The following B3GALT1 variants were observed in gnomAD, a reference collection of about 807,000 sequenced individuals.
B3GALT1 encodes the protein UDP-Gal:betaGlcNAc beta 1,3-galactosyltransferase, polypeptide 1.
B3GALT1 carries 10 observed loss-of-function variants against 23.2 expected under a neutral mutation model. That is an observed-to-expected ratio of 0.43 (90% CI 0.27 to 0.73). B3GALT1 has a LOEUF of 0.73. Among genes scored for constraint, B3GALT1 ranks in the 30% least tolerant of loss-of-function variants. The pLI, the probability that B3GALT1 is intolerant of heterozygous loss-of-function variation, is 0.21. For missense variants in B3GALT1, 299 were observed against 405.4 expected (o/e 0.74, Z 2.25); for synonymous variants, 156 against 141.5 (o/e 1.10, Z -0.73).
intron 1 of B3GALT1, among the ~76,000 whole-genome samples, chr2:167,426,512 G>C (rs1698626328): frequency 6.6e-6 from 1 of 152,012 alleles, no homozygotes; most frequent in Non-Finnish European, 1.5e-5. Flanking sequence ...CTTGACCTCA[G>C]GTGATCCACC....
At chr2:167,442,838 T>C (rs867907885) in intron 1 of B3GALT1, among the ~76,000 whole-genome samples, 4 of 142,572 alleles carry the variant, frequency 2.8e-5, no homozygotes, top group Non-Finnish European at 4.5e-5. Flanking sequence ...CTGTTCACTC[T>C]GATGGTAGTT....
chr2:167,855,281 A>T (rs904314881), intron 4 of B3GALT1, among the ~76,000 whole-genome samples: 1 of 152,174 alleles, frequency 6.6e-6, no homozygotes, highest in African/African-American at 2.4e-5. Context: ...AGTGAGATGC[A>T]GAATATGGTG....
chr2:167,382,326 A>AT (rs1166934352), intron 1 of B3GALT1, among the ~76,000 whole-genome samples: 2 of 150,878 alleles, frequency 1.3e-5, no homozygotes, highest in Non-Finnish European at 3.0e-5. Flanking sequence ...TTTTTTCCTG[A>AT]TTTTTTAAAA....
At chr2:167,438,999 A>G (rs1313193907) in intron 1 of B3GALT1, among the ~76,000 whole-genome samples, 1 of 152,244 alleles carries the variant, frequency 6.6e-6, no homozygotes, top group South Asian at 2.1e-4. Flanking sequence ...TCTGCCTGAC[A>G]CTTTATCCAA....
intron 2 of B3GALT1, among the ~76,000 whole-genome samples, chr2:167,510,540 T>A (rs1056305520): frequency 4.6e-5 from 7 of 152,036 alleles, no homozygotes; most frequent in African/African-American, 1.7e-4. Flanking sequence ...GTGATTGGCA[T>A]GTTTACAGAG....
At chr2:167,704,494 GCA>G (rs887385609) in intron 3 of B3GALT1, among the ~76,000 whole-genome samples, 2 of 151,260 alleles carry the variant, frequency 1.3e-5, no homozygotes, top group South Asian at 2.1e-4. Flanking sequence ...ATCATACCAT[GCA>G]CACACACACA....
At chr2:167,822,439 C>A (rs987482968) in intron 4 of B3GALT1, among the ~76,000 whole-genome samples, 1 of 152,090 alleles carries the variant, frequency 6.6e-6, no homozygotes. Context: ...TCTTACACAG[C>A]GCACCCTCTA....
chr2:167,512,597 T>TATATATATACAC (rs1700034304), intron 2 of B3GALT1, among the ~76,000 whole-genome samples: 1 of 60,316 alleles, frequency 1.7e-5, no homozygotes. Context: ...TATATGTGTA[T>TATATATATACAC]ATATATATAT....
rs1223530624 is a variant in B3GALT1 at position 167,720,633 on chromosome 2, C to G, written c.-352+73667C>G. Among the ~76,000 whole-genome samples the G allele has an allele frequency of 3.9e-5, 6 of 152,298 alleles. No individual in the cohort carries two copies. In the South Asian group the frequency reaches 1.2e-3, roughly 32 times the overall value. On this transcript the variant is annotated intron_variant, in intron 3 of 4. Coordinates refer to ENST00000392690, the MANE Select transcript of B3GALT1 (RefSeq NM_020981.4). The stretch of plus-strand genomic sequence containing the variant: ...CATGTGACAACCTCATTTATTCATT[C>G]GTTCATCTACTCAGTGTCATTCAAT...
chr2:167,766,853 A>G (rs1687985296), intron 3 of B3GALT1, among the ~76,000 whole-genome samples: 1 of 152,196 alleles, frequency 6.6e-6, no homozygotes, highest in Non-Finnish European at 1.5e-5. Flanking sequence ...CCCTCCAGAA[A>G]GTCAACAAAA....
intron 3 of B3GALT1, among the ~76,000 whole-genome samples, chr2:167,674,630 C>T (rs947105453): frequency 1.3e-5 from 2 of 152,114 alleles, no homozygotes. Context: ...CCTATTACAT[C>T]CTGTTTTGGA....
chr2:167,713,480 ATTTTGT>A (rs1687093913), intron 3 of B3GALT1, among the ~76,000 whole-genome samples: 1 of 152,150 alleles, frequency 6.6e-6, no homozygotes, highest in Non-Finnish European at 1.5e-5. Flanking sequence ...ATCACTATAC[ATTTTGT>A]TTTTGTTTTT....
Position 167,869,379 on chromosome 2 carries a change from AC to A in B3GALT1, c.343del (p.Leu115CysfsTer43). 1 of 1,614,070 alleles carries A rather than the reference AC, an allele frequency of 6.2e-7. No individual in the cohort carries two copies. The highest frequency in any genetic ancestry group is 8.5e-7 in the Non-Finnish European group (1 of 1,180,016). ...ENNFKGIKIA[T>X]LFLLGKNADP... Reference sequence around the variant, plus strand: ...CAACTTTAAGGGGATCAAGATAGCCACCCTGTTCCTCCTGGGCAAGAATGCT... The same window carrying A: ...CAACTTTAAGGGGATCAAGATAGCCACCTGTTCCTCCTGGGCAAGAATGCT... On this transcript the variant is annotated frameshift_variant, in exon 5 of 5. Coordinates refer to ENST00000392690, the MANE Select transcript of B3GALT1 (RefSeq NM_020981.4). LOFTEE classifies it high-confidence loss of function. This position sits in a 1 kb window ranked among gnomAD's most constrained non-coding sequence, Gnocchi z 6.4.
intron 3 of B3GALT1, among the ~76,000 whole-genome samples, chr2:167,779,515 G>A (rs961767467): frequency 1.3e-5 from 2 of 152,188 alleles, no homozygotes; most frequent in South Asian, 2.1e-4. Context: ...TTTCTGATGC[G>A]GTTAGCCCTG....
intron 4 of B3GALT1, among the ~76,000 whole-genome samples, chr2:167,840,706 G>C (rs1689625698): frequency 6.6e-6 from 1 of 151,660 alleles, no homozygotes; most frequent in Non-Finnish European, 1.5e-5. Context: ...AAATCATGCT[G>C]CTATAAAGAC....
At position 167,552,853 on chromosome 2, in the gene B3GALT1, G is replaced by T. The variant is rs549368195; in HGVS notation, c.-410+62576G>T. Reference sequence around the variant, plus strand: ...TTTCCAAACAAGATATTCTCTTTGTGTTTTTAATCATACAGTGCATCCCAT... The same window carrying T: ...TTTCCAAACAAGATATTCTCTTTGTTTTTTTAATCATACAGTGCATCCCAT... On this transcript the variant is annotated intron_variant, in intron 2 of 4. Transcript: ENST00000392690. 3.0e-4 allele frequency among the ~76,000 whole-genome samples: 46 copies of T among 152,222 alleles called. 2 individuals are homozygous for T. The East Asian group carries it at 8.7e-3, about 29-fold the overall frequency.
intron 1 of B3GALT1, among the ~76,000 whole-genome samples, chr2:167,334,596 G>A (rs1209954232): frequency 1.3e-5 from 2 of 152,086 alleles, no homozygotes; most frequent in Admixed American, 6.5e-5. Flanking sequence ...GTTGAAATGA[G>A]CAATAAAAAT....
chr2:167,689,969 T>G (rs1490726749), intron 3 of B3GALT1, among the ~76,000 whole-genome samples: 1 of 152,120 alleles, frequency 6.6e-6, no homozygotes, highest in Non-Finnish European at 1.5e-5. Flanking sequence ...GGGAATGAGC[T>G]TCGTAAGAAG....
chr2:167,524,838 C>T (rs921691154), intron 2 of B3GALT1, among the ~76,000 whole-genome samples: 4 of 152,178 alleles, frequency 2.6e-5, no homozygotes, highest in African/African-American at 7.2e-5. Context: ...TTCCAGACAA[C>T]ATATCAACAT....
Sources: allele counts gnomAD v4.1 joint callset (sites outside exome capture counted in the v4.1 genomes callset), GRCh38; gene constraint gnomAD v4.1.1; non-coding constraint Gnocchi (gnomAD v3.1); transcripts MANE v1.5; gene names NCBI Gene and HGNC (gene_info 2026-07-23, HGNC 2026-07-21).